REEP5: variants seen among roughly 807,000 people sequenced by gnomAD.
REEP5 encodes receptor accessory protein 5.
REEP5 carries 24 observed loss-of-function variants against 22.4 expected under a neutral mutation model. The observed-to-expected ratio is 1.07, with a 90% CI of 0.78 to 1.51. The LOEUF (loss-of-function observed/expected upper bound fraction) is 1.51, where lower values mean the gene tolerates loss of function less well. REEP5 is among the 40% of genes most tolerant of loss of function. The probability of loss-of-function intolerance (pLI) is 0.00; values close to 1 mark genes in which losing one functional copy is unlikely to be tolerated. For missense variants in REEP5, 252 were observed against 233.0 expected (o/e 1.08, Z -0.53); for synonymous variants, 103 against 88.6 (o/e 1.16, Z -0.92).
At chr5:112,888,516 G>A (rs1047433639) in intron 3 of REEP5, among the ~76,000 whole-genome samples, 2 of 152,118 alleles carry the variant, frequency 1.3e-5, no homozygotes, top group African/African-American at 4.8e-5. Context: ...TTGAACTCCT[G>A]GGTTCAAACA....
At chr5:112,900,247 T>G (rs1438986471) in intron 3 of REEP5, among the ~76,000 whole-genome samples, 2 of 152,252 alleles carry the variant, frequency 1.3e-5, no homozygotes, top group African/African-American at 4.8e-5. Flanking sequence ...TTATTTGGTG[T>G]AAATGTTGTA....
chr5:112,902,216 T>G (rs894018161), intron 3 of REEP5, among the ~76,000 whole-genome samples, 164 bp downstream of exon 3: 1 of 96,212 alleles, frequency 1.0e-5, no homozygotes, highest in African/African-American at 6.4e-5. Context: ...GAGCATTTTT[T>G]TGTTTTTGTT....
At chr5:112,921,975 C>T in intron 1 of REEP5, 98 bp downstream of exon 1, 1 of 1,420,390 alleles carries the variant, frequency 7.0e-7, no homozygotes, top group Non-Finnish European at 9.4e-7. Context: ...GTCTCCGACT[C>T]CACCTTTCCC....
At chr5:112,878,897 T>C in intron 4 of REEP5, 62 bp from the exon 5 acceptor site, 1 of 1,612,922 alleles carries the variant, frequency 6.2e-7, no homozygotes, top group Non-Finnish European at 8.5e-7. Flanking sequence ...AATGCAAGCT[T>C]GCAAGCTTTG....
intron 2 of REEP5, among the ~76,000 whole-genome samples, chr5:112,908,952 A>C (rs1479121119): frequency 1.3e-5 from 2 of 150,490 alleles, no homozygotes; most frequent in Non-Finnish European, 1.5e-5. Context: ...CAACACACAC[A>C]CCCACAAAGA....
At position 112,890,971 on chromosome 5, in the gene REEP5, G is replaced by C. The variant is rs540493502; in HGVS notation, c.352-3788C>G. ...ACTTTCTCTGACCCAAGAATACTGT[G>C]TTTTCTAACAACATCTATGAAACAT... is the stretch of plus-strand genomic sequence containing the variant. On this transcript the variant is annotated intron_variant, in intron 3 of 4. Transcript: ENST00000379638. 2.3e-4 allele frequency among the ~76,000 whole-genome samples: 35 copies of C among 150,936 alleles called. 2 individuals are homozygous for C. Among genetic ancestry groups the C allele is most frequent in the Admixed American group, 7.9e-4 (12 of 15,160 alleles).
chr5:112,900,739 G>A (rs1239045070), intron 3 of REEP5, among the ~76,000 whole-genome samples: 3 of 152,138 alleles, frequency 2.0e-5, no homozygotes, highest in African/African-American at 7.2e-5. Flanking sequence ...TACTAGCATG[G>A]ACTGGGGCCC....
chr5:112,918,053 G>A (rs1038049930), intron 2 of REEP5, among the ~76,000 whole-genome samples: 3 of 152,104 alleles, frequency 2.0e-5, no homozygotes, highest in Non-Finnish European at 4.4e-5. Flanking sequence ...CCAGTAGTCT[G>A]CCTCCTGTTA....
At chr5:112,902,251 G>T in intron 3 of REEP5, 129 bp downstream of exon 3, 1 of 954,168 alleles carries the variant, frequency 1.0e-6, no homozygotes, top group Non-Finnish European at 1.5e-6. Context: ...GTCTCGCTCT[G>T]TTGCCCAGGC....
Position 112,921,935 on chromosome 5 carries a change from T to C in REEP5, c.118+138A>G, listed in dbSNP as rs560674376. 927 of 1,128,616 alleles carry C rather than the reference T, an allele frequency of 8.2e-4. 6 individuals carry two copies. In the African/African-American group the frequency reaches 0.014, roughly 17 times the overall value. The allele number at this position is 1,128,616 out of a possible 1,614,324, so 69.9% of individuals were successfully genotyped here. A position where few individuals can be genotyped will look rare whatever the true frequency, so the allele number is the denominator to read the frequency against. On this transcript the variant is annotated intron_variant, in intron 1 of 4. Transcript: ENST00000379638. Reference sequence around the variant, plus strand: ...GCCCACGCTTTCCGGGAGGCCAGCCTGATCCCTGAATATGCTGCTTGTCCC... The same window carrying C: ...GCCCACGCTTTCCGGGAGGCCAGCCCGATCCCTGAATATGCTGCTTGTCCC...
At chr5:112,921,056 G>C (rs1353174991) in intron 2 of REEP5, 107 bp downstream of exon 2, 2 of 1,101,180 alleles carry the variant, frequency 1.8e-6, no homozygotes, top group African/African-American at 3.1e-5. Flanking sequence ...CCTCCCCGCC[G>C]AGCTTTCACT....
At chr5:112,900,996 C>G (rs920141294) in intron 3 of REEP5, among the ~76,000 whole-genome samples, 2 of 151,962 alleles carry the variant, frequency 1.3e-5, no homozygotes, top group Admixed American at 1.3e-4. Context: ...TCTGCCACAC[C>G]CAGCTAATTT....
intron 3 of REEP5, among the ~76,000 whole-genome samples, chr5:112,890,525 G>C (rs920689422): frequency 2.0e-5 from 3 of 150,064 alleles, no homozygotes; most frequent in Admixed American, 2.0e-4. Flanking sequence ...ATGCAGGCAC[G>C]CACCATCACG....
In REEP5 at chr5:112,878,765, G is replaced by C; in HGVS notation, c.*21C>G. The C allele has an allele frequency of 1.2e-6, 2 of 1,614,068 alleles. No homozygotes were observed. The highest frequency in any genetic ancestry group is 1.7e-6 in the Non-Finnish European group (2 of 1,180,000). Reference sequence around the variant, plus strand: ...CAGTAGGAAGGTACAGAGAGGGCAGGAAGTTTCCATCCAGTCTGGTTTAGG... The same window carrying C: ...CAGTAGGAAGGTACAGAGAGGGCAGCAAGTTTCCATCCAGTCTGGTTTAGG... On this transcript the variant is annotated 3_prime_UTR_variant, in exon 5 of 5. Coordinates refer to ENST00000379638, the MANE Select transcript of REEP5 (RefSeq NM_005669.5).
intron 3 of REEP5, chr5:112,891,866 T>C (rs1429927918): frequency 6.9e-7 from 1 of 1,449,836 alleles, no homozygotes; most frequent in Non-Finnish European, 9.7e-7. Flanking sequence ...AGGGAAAGAT[T>C]ACATGAGGAG....
chr5:112,921,343 T>G (rs746585052), intron 1 of REEP5, 87 bp from the exon 2 acceptor site: 18 of 1,282,564 alleles, frequency 1.4e-5, no homozygotes, highest in Non-Finnish European at 2.0e-5. Context: ...AGGCTGGGCC[T>G]GTTGTAGGAG....
chr5:112,893,005 T>C, intron 3 of REEP5: 1 of 1,568,328 alleles, frequency 6.4e-7, no homozygotes, highest in Non-Finnish European at 8.7e-7. Flanking sequence ...CCAAAGTTCC[T>C]CTAGGTGCCG....
intron 1 of REEP5, 134 bp downstream of exon 1, chr5:112,921,939 C>G: frequency 8.6e-7 from 1 of 1,160,660 alleles, no homozygotes; most frequent in Admixed American, 3.2e-5. Flanking sequence ...CCAGCCTGAT[C>G]CCTGAATATG....
rs375420858 is a variant in REEP5 at position 112,902,503 on chromosome 5, C to G, written c.228G>C (p.Glu76Asp). The G allele has an allele frequency of 4.4e-6, 7 of 1,598,682 alleles. No homozygotes were observed. The highest frequency in any genetic ancestry group is 1.7e-4 in the Middle Eastern group (1 of 5,984). ...YPAYISIKAI[E>D]SPNKEDDTQW... ...GGGTATCATCTTCTTTGTTGGGACTCTCTATAGCTTTAATTCTGAAAGGCA... is the reference window on the plus strand; with the variant it reads ...GGGTATCATCTTCTTTGTTGGGACTGTCTATAGCTTTAATTCTGAAAGGCA... The change falls in exon 3 of 5, where the codon GAG becomes GAC. Residue 76 changes from glutamate (E) to aspartate (D), a missense_variant. Coordinates refer to ENST00000379638, the MANE Select transcript of REEP5 (RefSeq NM_005669.5).
Sources: gnomAD v4.1 joint callset for allele counts (sites outside exome capture counted in the v4.1 genomes callset) on GRCh38, gnomAD v4.1.1 for gene constraint, MANE v1.5 for transcripts, NCBI Gene and HGNC (gene_info 2026-07-23, HGNC 2026-07-21) for gene names.